The following P3H3 variants were observed in gnomAD, a reference collection of about 807,000 sequenced individuals.
P3H3 encodes prolyl 3-hydroxylase 3.
In P3H3, 64 loss-of-function variants were observed where a neutral mutation model predicts 78.1. That is an observed-to-expected ratio of 0.82 (90% CI 0.67 to 1.01). P3H3 has a LOEUF of 1.01. P3H3 is among the 50% of genes least tolerant of loss of function. P3H3 has a pLI of 0.00. For missense variants in P3H3, 975 were observed against 982.2 expected (o/e 0.99, Z 0.10); for synonymous variants, 425 against 416.7 (o/e 1.02, Z -0.24).
At chr12:6,833,863 C>A (rs1555121766) in intron 8 of P3H3, 54 bp downstream of exon 8, 1 of 1,613,150 alleles carries the variant, frequency 6.2e-7, no homozygotes, top group African/African-American at 1.3e-5. Flanking sequence ...GGGCTGCCAG[C>A]TACTGCTCTG....
chr12:6,837,845 T>C lies in P3H3; in HGVS notation c.1825T>C (p.Tyr609His), dbSNP rs1555122440. Residue 609 changes from tyrosine to histidine, a missense_variant, in exon 12 of 15, where the codon TAC becomes CAC. Coordinates refer to ENST00000290510, the MANE Select transcript of P3H3 (RefSeq NM_014262.5). Reference protein sequence around the residue: ...REPPAYTYRDYSGLLYLNDDF... With the variant: ...REPPAYTYRDHSGLLYLNDDF... ...GCCCCCAGCCTACACCTATCGGGACTACAGGTGGGCAGCCCCTCTAGTGGT... is the reference window on the plus strand; with the variant it reads ...GCCCCCAGCCTACACCTATCGGGACCACAGGTGGGCAGCCCCTCTAGTGGT... The C allele has an allele frequency of 6.2e-7, 1 of 1,608,996 alleles. No individual in the cohort carries two copies. The highest frequency in any genetic ancestry group is 1.7e-5 in the Admixed American group (1 of 59,368).
At position 6,839,612 on chromosome 12, in the gene P3H3, GC is replaced by G. The variant is rs1943540759; in HGVS notation, c.*153del. On this transcript the variant is annotated 3_prime_UTR_variant, in exon 15 of 15. Transcript: ENST00000290510. ...CCCACCATCTTGGGGACCTACAAGG[GC>G]CTGGACTCAGAGGACAGTGCACAGG... The G allele has an allele frequency of 5.0e-6, 5 of 999,218 alleles. No individual in the cohort carries two copies. In the South Asian group the frequency reaches 8.5e-5, roughly 17 times the overall value. 61.9% of individuals were successfully genotyped at this position (999,218 alleles called of 1,614,324 possible).
At position 6,830,447 on chromosome 12, in the gene P3H3, A is replaced by G; in HGVS notation, c.746A>G (p.Gln249Arg). ...LEEALQGSLA[Q>R]MESCRADCEG... ...GAGGCTCTTCAGGGGAGCCTGGCCC[A>G]GATGGAGAGCTGCCGTGCTGACTGT... The change falls in exon 3 of 15, where the codon CAG becomes CGG. Residue 249 changes from glutamine (Q) to arginine (R), a missense_variant. Physicochemically the swap from Gln to Arg is conservative, Grantham distance 43. Transcript: ENST00000290510. 1 of 1,587,588 alleles carries G rather than the reference A, an allele frequency of 6.3e-7. No individual in the cohort carries two copies. Among genetic ancestry groups the G allele is most frequent in the Non-Finnish European group, 8.6e-7 (1 of 1,168,238 alleles).
intron 11 of P3H3, 53 bp from the exon 12 acceptor site, chr12:6,837,679 T>C: frequency 6.3e-7 from 1 of 1,582,182 alleles, no homozygotes; most frequent in Non-Finnish European, 8.6e-7. Flanking sequence ...GCCCACAGGG[T>C]GGCAGATGGG....
In P3H3 at chr12:6,833,991, C is replaced by A. The variant is rs782106851; in HGVS notation, c.1400C>A (p.Ala467Glu). The A allele has an allele frequency of 2.5e-6, 4 of 1,613,722 alleles. No individual in the cohort carries two copies. The highest frequency in any genetic ancestry group is 1.7e-5 in the Admixed American group (1 of 60,010). The change falls in exon 9 of 15, where the codon GCG (alanine) becomes GAG (glutamate). Residue 467 changes from alanine to glutamate, a missense_variant. Coordinates refer to ENST00000290510, the MANE Select transcript of P3H3 (RefSeq NM_014262.5). ...AGGCAGCTGAATGGGTCGGAGCGGG[C>A]GGTGTTGGATGGGCTGCTCACCCCA... ...DSRQLNGSER[A>E]VLDGLLTPAE...
rs1943404572 is a variant in P3H3 at position 6,828,460 on chromosome 12, C to CGCTGCTGCTACTGCTGCT, written c.26_43dup (p.Leu9_Leu14dup). On this transcript the variant is annotated inframe_insertion, in exon 1 of 15. Coordinates refer to ENST00000290510, the MANE Select transcript of P3H3 (RefSeq NM_014262.5). ...GACATCATGCTCCGGCTCCTCCGGC[C>CGCTGCTGCTACTGCTGCT]GCTGCTGCTACTGCTGCTGCTGCCT... 1 of 1,155,778 alleles carries CGCTGCTGCTACTGCTGCT rather than the reference C, an allele frequency of 8.7e-7. No homozygotes were observed. The highest frequency in any genetic ancestry group is 1.2e-6 in the Non-Finnish European group (1 of 840,238). The allele number at this position is 1,155,778 out of a possible 1,614,324, so 71.6% of individuals were successfully genotyped here.
Position 6,830,551 on chromosome 12 carries a change from G to A in P3H3, c.850G>A (p.Ala284Thr), listed in dbSNP as rs782745900. Reference sequence around the variant, plus strand: ...CCAGGGGGGCCTCTATGAGGCCATTGCAGGTAAGGGTCCCGTGTGTGAGGG... The same window carrying A: ...CCAGGGGGGCCTCTATGAGGCCATTACAGGTAAGGGTCCCGTGTGTGAGGG... Reference protein sequence around the residue: ...ASQGGLYEAIAGHWIQVLQCR... With the variant: ...ASQGGLYEAITGHWIQVLQCR... Residue 284 changes from alanine (A) to threonine (T), a missense_variant, in exon 3 of 15, where the codon GCA becomes ACA. By Grantham distance (58) the Ala-to-Thr change is moderately conservative. Coordinates refer to ENST00000290510, the MANE Select transcript of P3H3 (RefSeq NM_014262.5). 1.9e-6 allele frequency: 3 copies of A among 1,573,300 alleles called. No homozygotes were observed. The highest frequency in any genetic ancestry group is 2.6e-6 in the Non-Finnish European group (3 of 1,159,976).
rs1943412205 is a variant in P3H3, at chr12:6,828,797, C to G, written c.357C>G (p.Leu119=). 1 of 1,235,920 alleles carries G rather than the reference C, an allele frequency of 8.1e-7. No individual in the cohort carries two copies. The highest frequency in any genetic ancestry group is 4.2e-5 in the Admixed American group (1 of 23,694). The allele number at this position is 1,235,920 out of a possible 1,614,324, so 76.6% of individuals were successfully genotyped here. ...SWERQLLRAA[L]RRADCLTQCA... is the part of the protein sequence containing the mutation. ...AGCGACAGCTTCTCCGTGCAGCGCT[C>G]CGCCGCGCAGACTGCCTGACCCAGT... The change falls in exon 1 of 15, where the codon CTC becomes CTG. Residue 119 remains leucine, a synonymous_variant. Coordinates refer to ENST00000290510, the MANE Select transcript of P3H3 (RefSeq NM_014262.5).
chr12:6,828,856 C>G lies in P3H3; in HGVS notation c.416C>G (p.Ala139Gly). The change falls in exon 1 of 15, where the codon GCG becomes GGG. Residue 139 changes from alanine to glycine, a missense_variant. Coordinates refer to ENST00000290510, the MANE Select transcript of P3H3 (RefSeq NM_014262.5). ...AARRLGPGGA[A>G]RLRVGSALRD... ...CGGAGGCTGGGCCCCGGGGGCGCGGCGCGGCTTCGCGTGGGGAGCGCGCTC... is the reference window on the plus strand; with the variant it reads ...CGGAGGCTGGGCCCCGGGGGCGCGGGGCGGCTTCGCGTGGGGAGCGCGCTC... 8.0e-7 allele frequency: 1 copy of G among 1,245,616 alleles called. No homozygotes were observed. Among genetic ancestry groups the G allele is most frequent in the Non-Finnish European group, 1.0e-6 (1 of 994,882 alleles). 77.2% of individuals were successfully genotyped at this position (1,245,616 alleles called of 1,614,324 possible). A position where few individuals can be genotyped will look rare whatever the true frequency, so the allele number is the denominator to read the frequency against.
Position 6,830,443 on chromosome 12 carries a change from G to C in P3H3, c.742G>C (p.Ala248Pro), listed in dbSNP as rs782248023. ...AGAGGAGGCTCTTCAGGGGAGCCTGGCCCAGATGGAGAGCTGCCGTGCTGA... is the reference window on the plus strand; with the variant it reads ...AGAGGAGGCTCTTCAGGGGAGCCTGCCCCAGATGGAGAGCTGCCGTGCTGA... The part of the protein sequence containing the change: ...RLEEALQGSL[A>P]QMESCRADCE... Residue 248 changes from alanine (A) to proline (P), a missense_variant, in exon 3 of 15, where the codon GCC (alanine) becomes CCC (proline). Physicochemically the swap from Ala to Pro is conservative, Grantham distance 27 (BLOSUM62 -1). Coordinates refer to ENST00000290510, the MANE Select transcript of P3H3 (RefSeq NM_014262.5). 24 of 1,586,816 alleles carry C rather than the reference G, an allele frequency of 1.5e-5. No homozygotes were observed. Among genetic ancestry groups the C allele is most frequent in the Non-Finnish European group, 2.0e-5 (23 of 1,167,930 alleles).
Position 6,837,976 on chromosome 12 carries a change from C to T in P3H3, c.1848C>T (p.Asn616=), listed in dbSNP as rs373047720. 15 of 1,608,222 alleles carry T rather than the reference C, an allele frequency of 9.3e-6. No individual in the cohort carries two copies. The highest frequency in any genetic ancestry group is 5.1e-5 in the Admixed American group (3 of 59,280). Residue 616 remains asparagine (N), a synonymous_variant, in exon 13 of 15, where the codon AAC becomes AAT. Transcript: ENST00000290510. The stretch of plus-strand genomic sequence containing the variant: ...TCCCCAGCGGACTCCTCTACCTCAA[C>T]GATGACTTCCAGGGTGGGGACCTGT... The part of the protein sequence containing the change: ...YRDYSGLLYL[N]DDFQGGDLFF...
rs868978635 is a variant in P3H3 at position 6,839,352 on chromosome 12, A to C, written c.2102A>C (p.Glu701Ala). The C allele has an allele frequency of 1.1e-5, 17 of 1,553,700 alleles. No individual in the cohort carries two copies. The African/African-American group carries it at 2.1e-4, about 19-fold the overall frequency. Residue 701 changes from glutamate to alanine, a missense_variant, in exon 15 of 15, where the codon GAA (glutamate) becomes GCA (alanine). Transcript: ENST00000290510. ...GAGTCACAGGAGGAGGAGGAAGAGG[A>C]AGAGGAAGAAATGCCCAGCAAAGAC... ...LQESQEEEEE[E>A]EEEMPSKDPS...
chr12:6,829,329 G>A lies in P3H3; in HGVS notation c.498+391G>A, dbSNP rs377449503. 15 of 235,624 alleles carry A rather than the reference G, an allele frequency of 6.4e-5. No homozygotes were observed. In the East Asian group the frequency reaches 1.1e-3, roughly 17 times the overall value. The allele number at this position is 235,624 out of a possible 1,614,324, so 14.6% of individuals were successfully genotyped here. Reference sequence around the variant, plus strand: ...TGGTGAGTGTGAACCTTCGCTTGGGGCAGGAGGTAGCTTCGGAAAGGAAGG... The same window carrying A: ...TGGTGAGTGTGAACCTTCGCTTGGGACAGGAGGTAGCTTCGGAAAGGAAGG... On this transcript the variant is annotated intron_variant, in intron 1 of 14. Transcript: ENST00000290510. This position sits in a 1 kb window ranked among gnomAD's most constrained non-coding sequence, Gnocchi z 5.1.
At position 6,831,802 on chromosome 12, in the gene P3H3, A is replaced by T. The variant is rs372204412; in HGVS notation, c.1123-23A>T. On this transcript the variant is annotated intron_variant, in intron 5 of 14. Transcript: ENST00000290510. The surrounding 1 kb of genome is among the most constrained non-coding windows in gnomAD (Gnocchi z 4.6). ...CCCTGCCTTCCTCCAGCTACCCCTC[A>T]CTGCTCATCATCTCACCCTCAGGAC... is the stretch of plus-strand genomic sequence containing the variant. 4.7e-5 allele frequency: 70 copies of T among 1,497,900 alleles called. No homozygotes were observed. The highest frequency in any genetic ancestry group is 6.4e-5 in the Non-Finnish European group (69 of 1,081,524). 92.8% of individuals were successfully genotyped at this position (1,497,900 alleles called of 1,614,324 possible). A position where few individuals can be genotyped will look rare whatever the true frequency, so the allele number is the denominator to read the frequency against.
intron 3 of P3H3, 41 bp downstream of exon 3, chr12:6,830,595 G>C (rs782525701): frequency 1.3e-6 from 2 of 1,590,376 alleles, no homozygotes; most frequent in Non-Finnish European, 1.7e-6. Flanking sequence ...GGTGCCCAGG[G>C]AGGGGCATGA....
At chr12:6,834,172 C>A in intron 9 of P3H3, 123 bp downstream of exon 9, 1 of 1,424,568 alleles carries the variant, frequency 7.0e-7, no homozygotes, top group Non-Finnish European at 9.5e-7. Flanking sequence ...ACTGTGCTTA[C>A]CACTGCCTCT....
rs1232569322 is a variant in P3H3, at chr12:6,828,631, T to C, written c.191T>C (p.Leu64Pro). The change falls in exon 1 of 15, where the codon CTG (leucine) becomes CCG (proline). Residue 64 changes from leucine to proline, a missense_variant. Coordinates refer to ENST00000290510, the MANE Select transcript of P3H3 (RefSeq NM_014262.5). ...GCCGTGGCGCTGCTGCGGGAGGCGC[T>C]GCGGAGCCAGGCGGCGCTGGGCCGG... Reference protein sequence around the residue: ...APAVALLREALRSQAALGRVR... With the variant: ...APAVALLREAPRSQAALGRVR... 43 of 1,215,402 alleles carry C rather than the reference T, an allele frequency of 3.5e-5. No individual in the cohort carries two copies. The highest frequency in any genetic ancestry group is 4.4e-5 in the Admixed American group (1 of 22,952). 75.3% of individuals were successfully genotyped at this position (1,215,402 alleles called of 1,614,324 possible). A position where few individuals can be genotyped will look rare whatever the true frequency, so the allele number is the denominator to read the frequency against.
At position 6,831,719 on chromosome 12, in the gene P3H3, C is replaced by T; in HGVS notation, c.1123-106C>T. The T allele has an allele frequency of 1.3e-6, 1 of 750,422 alleles. No homozygotes were observed. Among genetic ancestry groups the T allele is most frequent in the Non-Finnish European group, 2.3e-6 (1 of 427,910 alleles). The allele number at this position is 750,422 out of a possible 1,614,324, so 46.5% of individuals were successfully genotyped here. ...AACGTTGAACAGAGGAACCGGGGGG[C>T]ATGGTGCCAGGTTCAAGGAGCATGG... On this transcript the variant is annotated intron_variant, in intron 5 of 14. Transcript: ENST00000290510. The surrounding 1 kb of genome is among the most constrained non-coding windows in gnomAD (Gnocchi z 4.6).
rs568065554 is a variant in P3H3, at chr12:6,837,514, C to T, written c.1652C>T (p.Ser551Phe). 1.1e-4 allele frequency: 175 copies of T among 1,611,990 alleles called. No individual in the cohort carries two copies. The highest frequency in any genetic ancestry group is 8.2e-4 in the Middle Eastern group (5 of 6,062). ...RVRTLTQAYF[S>F]PERPLHLSFT... ...CGGACCTTGACCCAGGCCTACTTCT[C>T]CCCGGAACGGCCCCTGCATCTGTCC... is the stretch of plus-strand genomic sequence containing the variant. The change falls in exon 11 of 15, where the codon TCC becomes TTC. Residue 551 changes from serine (S) to phenylalanine (F), a missense_variant. Physicochemically the swap from Ser to Phe is radical, Grantham distance 155 (BLOSUM62 -2). Transcript: ENST00000290510.
Sources: allele counts gnomAD v4.1 joint callset, GRCh38; gene constraint gnomAD v4.1.1; non-coding constraint Gnocchi (gnomAD v3.1); transcripts MANE v1.5; gene names NCBI Gene and HGNC (gene_info 2026-07-23, HGNC 2026-07-21).